Variants in UTRN observed in about 807,000 individuals in gnomAD.
The protein encoded by UTRN is utrophin.
UTRN carries 283 observed loss-of-function variants against 463.9 expected under a neutral mutation model. The observed-to-expected ratio is 0.61, with a 90% CI of 0.55 to 0.67. UTRN has a LOEUF of 0.67. Among genes scored for constraint, UTRN ranks in the 30% least tolerant of loss-of-function variants. UTRN has a pLI of 0.00. For synonymous variants in UTRN, 1,442 were observed against 1,431.5 expected, an observed-to-expected ratio of 1.01 and a Z score of -0.17; for missense variants, 3,922 against 4,084.3, an observed-to-expected ratio of 0.96 and a Z score of 1.08.
chr6:144,798,675 A>G (rs983634315), intron 64 of UTRN, among the ~76,000 whole-genome samples: 14 of 152,216 alleles, frequency 9.2e-5, no homozygotes, highest in Admixed American at 3.3e-4. Context: ...CCCCAGTTTA[A>G]TTTGGAAATC....
At chr6:144,659,875 T>C (rs1022221759) in intron 51 of UTRN, 1 of 189,726 alleles carries the variant, frequency 5.3e-6, no homozygotes, top group Non-Finnish European at 1.1e-5. Context: ...GAGAGAACAG[T>C]TGTGGCCTGC....
intron 52 of UTRN, among the ~76,000 whole-genome samples, chr6:144,696,846 C>G (rs9390197): frequency 0.36 from 55,062 of 151,950 alleles, 11,378 homozygotes; most frequent in East Asian, 0.88. Flanking sequence ...CTTACTCACA[C>G]TATTTCCTTT....
rs2128577947 is a variant in UTRN, at chr6:144,488,732, G to A, written c.4032G>A (p.Gln1344=). ...TCCAGGTGCTGCGGGAAACTGACCA[G>A]ATGCTTCAAGTCTTGCAAGAGAGCT... ...KQLQVLRETD[Q]MLQVLQESLG... The change falls in exon 30 of 75, where the codon CAG becomes CAA. Residue 1344 remains glutamine (Q), a synonymous_variant. Transcript: ENST00000367545. The A allele has an allele frequency of 6.2e-7, 1 of 1,613,722 alleles. No individual in the cohort carries two copies. The highest frequency in any genetic ancestry group is 1.1e-5 in the South Asian group (1 of 91,002).
intron 51 of UTRN, among the ~76,000 whole-genome samples, chr6:144,641,036 A>C (rs1051408561): frequency 1.3e-5 from 2 of 152,160 alleles, no homozygotes; most frequent in African/African-American, 4.8e-5. Flanking sequence ...CATTCTTACC[A>C]ATGATAATAA....
chr6:144,685,527 T>C (rs1782658722), intron 52 of UTRN, among the ~76,000 whole-genome samples: 1 of 152,204 alleles, frequency 6.6e-6, no homozygotes, highest in Non-Finnish European at 1.5e-5. Flanking sequence ...TTGACATCTA[T>C]TGTTTTTTGA....
chr6:144,386,761 G>T (rs1249478970), intron 2 of UTRN, among the ~76,000 whole-genome samples: 1 of 151,866 alleles, frequency 6.6e-6, no homozygotes, highest in Non-Finnish European at 1.5e-5. Flanking sequence ...CATTTTAGCG[G>T]ATGTGCAATT....
At chr6:144,330,758 G>A (rs910542242) in intron 2 of UTRN, 27 of 937,074 alleles carry the variant, frequency 2.9e-5, no homozygotes, top group Non-Finnish European at 3.4e-5. Flanking sequence ...TATTCACAGA[G>A]GCAGGAATGT....
At chr6:144,801,950 C>T (rs180950107) in intron 64 of UTRN, among the ~76,000 whole-genome samples, 2 of 152,192 alleles carry the variant, frequency 1.3e-5, no homozygotes, top group East Asian at 1.9e-4. Flanking sequence ...CCAATTAGAA[C>T]CCCCACCCAA....
chr6:144,785,517 A>G (rs1776221317), intron 61 of UTRN, among the ~76,000 whole-genome samples: 1 of 152,172 alleles, frequency 6.6e-6, no homozygotes, highest in Admixed American at 6.5e-5. Flanking sequence ...CTATATTTCT[A>G]TATCTAGGAA....
intron 51 of UTRN, among the ~76,000 whole-genome samples, chr6:144,607,862 C>A (rs952396277): frequency 6.6e-6 from 1 of 152,086 alleles, no homozygotes; most frequent in Non-Finnish European, 1.5e-5. Context: ...TTAGAGTGAC[C>A]TTGTTTTGTT....
At chr6:144,825,933 G>T (rs946653227) in intron 66 of UTRN, among the ~76,000 whole-genome samples, 1 of 148,540 alleles carries the variant, frequency 6.7e-6, no homozygotes, top group Non-Finnish European at 1.5e-5. Flanking sequence ...CTGGATAAAT[G>T]CCTGGTTCTG....
intron 50 of UTRN, among the ~76,000 whole-genome samples, chr6:144,576,087 G>C (rs1801404487): frequency 6.6e-6 from 1 of 152,112 alleles, no homozygotes; most frequent in Non-Finnish European, 1.5e-5. Flanking sequence ...ACACGTGTCA[G>C]TACTTCATTC....
chr6:144,383,576 C>T (rs2114743574), intron 2 of UTRN, among the ~76,000 whole-genome samples: 1 of 152,316 alleles, frequency 6.6e-6, no homozygotes, highest in South Asian at 2.1e-4. Context: ...TAATAGTTCT[C>T]CTGGGTCTTC....
At chr6:144,582,828 T>TTTG in intron 51 of UTRN, among the ~76,000 whole-genome samples, 1 of 152,304 alleles carries the variant, frequency 6.6e-6, no homozygotes, top group Admixed American at 6.5e-5. Flanking sequence ...TTTTGTTTTG[T>TTTG]TTTAGGTGAT....
chr6:144,700,054 G>A (rs1417480722), intron 52 of UTRN, 33 bp from the exon 53 acceptor site: 1 of 1,542,150 alleles, frequency 6.5e-7, no homozygotes, highest in Non-Finnish European at 8.8e-7. Flanking sequence ...ATTTCTAAAT[G>A]TGGTTATTAT....
chr6:144,329,742 C>T (rs539580841), intron 2 of UTRN, among the ~76,000 whole-genome samples: 63 of 152,242 alleles, frequency 4.1e-4, no homozygotes, highest in African/African-American at 1.1e-3. Flanking sequence ...GTTCATGGAC[C>T]CCCTGCCTGG....
chr6:144,708,806 TG>T (rs1785350752), intron 53 of UTRN, among the ~76,000 whole-genome samples: 2 of 152,290 alleles, frequency 1.3e-5, no homozygotes, highest in Admixed American at 1.3e-4. Flanking sequence ...GAGATTTATT[TG>T]GCTCACACTT....
intron 51 of UTRN, among the ~76,000 whole-genome samples, chr6:144,642,702 AAGG>A (rs1185876400): frequency 6.6e-6 from 1 of 152,160 alleles, no homozygotes; most frequent in African/African-American, 2.4e-5. Context: ...CCAGCCCAAG[AAGG>A]AGGAGATTTT....
intron 51 of UTRN, among the ~76,000 whole-genome samples, chr6:144,630,905 T>A (rs1776437939): frequency 6.6e-6 from 1 of 152,118 alleles, no homozygotes; most frequent in Non-Finnish European, 1.5e-5. Context: ...TCAGATTTTT[T>A]TTTCATCTGC....
Sources: allele counts gnomAD v4.1 joint callset (sites outside exome capture counted in the v4.1 genomes callset), GRCh38; gene constraint gnomAD v4.1.1; transcripts MANE v1.5; gene names NCBI Gene and HGNC (gene_info 2026-07-23, HGNC 2026-07-21).